The following PIK3C2B variants were observed in gnomAD, a reference collection of about 807,000 sequenced individuals.
PIK3C2B encodes the protein phosphatidylinositol-4-phosphate 3-kinase catalytic subunit type 2 beta.
In PIK3C2B, 83 loss-of-function variants were observed where a neutral mutation model predicts 184.3. The ratio of observed to expected loss-of-function variants is 0.45; its 90% CI spans 0.38 to 0.54. The LOEUF (loss-of-function observed/expected upper bound fraction) is 0.54, where lower values mean the gene tolerates loss of function less well. PIK3C2B is among the 20% of genes least tolerant of loss of function. The probability of loss-of-function intolerance (pLI) is 0.00; values close to 1 mark genes in which losing one functional copy is unlikely to be tolerated. For synonymous variants in PIK3C2B, 779 were observed against 837.6 expected (o/e 0.93, Z 1.21); for missense variants, 1,736 against 2,113.5 (o/e 0.82, Z 3.50).
intron 5 of PIK3C2B, 47 bp from the exon 6 acceptor site, chr1:204,460,708 G>T: frequency 1.6e-6 from 2 of 1,230,068 alleles, no homozygotes; most frequent in South Asian, 2.4e-5. Context: ...GGGACTCAGT[G>T]GCAAGGGAGA....
chr1:204,469,558 C>A lies in PIK3C2B; in HGVS notation c.245G>T (p.Arg82Leu), dbSNP rs113875332. Reference protein sequence around the residue: ...AGRRTDLKLLRGLSGSDPTLN... With the variant: ...AGRRTDLKLLLGLSGSDPTLN... ...GGTAGGATCAGAGCCAGAGAGACCG[C>A]GTAACAGCTTGAGGTCGGTCCGCCT... Residue 82 changes from arginine to leucine, a missense_variant, in exon 2 of 33, where the codon CGC (arginine) becomes CTC (leucine). By Grantham distance (102) the Arg-to-Leu change is moderately radical (BLOSUM62 -2). Transcript: ENST00000684373. 1.1e-4 allele frequency: 181 copies of A among 1,594,280 alleles called. No individual in the cohort carries two copies. Among genetic ancestry groups the A allele is most frequent in the Non-Finnish European group, 1.1e-4 (123 of 1,169,956 alleles).
At chr1:204,466,417 T>C (rs1655794403) in intron 2 of PIK3C2B, among the ~76,000 whole-genome samples, 2 of 147,256 alleles carry the variant, frequency 1.4e-5, no homozygotes, top group Non-Finnish European at 3.0e-5. Flanking sequence ...CATTTGAATA[T>C]CCAGACTGTT....
At chr1:204,461,785 G>A (rs1053195976) in intron 5 of PIK3C2B, among the ~76,000 whole-genome samples, 9 of 152,058 alleles carry the variant, frequency 5.9e-5, no homozygotes, top group African/African-American at 2.2e-4. Flanking sequence ...GTGTGGTGGG[G>A]CTGGGGGAGG....
At chr1:204,477,759 T>C (rs536942462) in intron 1 of PIK3C2B, among the ~76,000 whole-genome samples, 26 of 152,236 alleles carry the variant, frequency 1.7e-4, no homozygotes, top group Non-Finnish European at 1.5e-5. Context: ...CTCTTCCCCA[T>C]ACCCTGAGCC....
At chr1:204,462,845 G>C (rs1655443018) in intron 5 of PIK3C2B, among the ~76,000 whole-genome samples, 1 of 152,196 alleles carries the variant, frequency 6.6e-6, no homozygotes, top group African/African-American at 2.4e-5. Context: ...CCCGAGGTCA[G>C]GAGTTCGAGA....
intron 1 of PIK3C2B, among the ~76,000 whole-genome samples, chr1:204,478,238 C>T (rs989923143): frequency 1.3e-5 from 2 of 152,098 alleles, no homozygotes; most frequent in African/African-American, 2.4e-5. Context: ...TGTCCATCCC[C>T]CAGCACCCAC....
intron 12 of PIK3C2B, among the ~76,000 whole-genome samples, chr1:204,451,098 T>A (rs539671449): frequency 8.5e-5 from 13 of 152,316 alleles, no homozygotes; most frequent in Non-Finnish European, 1.8e-4. Context: ...GCCTCTACCC[T>A]GGGGGCCCAC....
At chr1:204,478,934 G>C (rs60807732) in intron 1 of PIK3C2B, among the ~76,000 whole-genome samples, 8,432 of 152,296 alleles carry the variant, frequency 0.055, 349 homozygotes, top group East Asian at 0.18. Flanking sequence ...TTCTAGCTCA[G>C]AAACCATTTG....
chr1:204,433,350 CCTGAGGCCTCAGGG>C lies in PIK3C2B; in HGVS notation c.3905_3918del (p.Ala1302GlyfsTer12). Reference sequence around the variant, plus strand: ...TAGGTAGTGGCATTGGCCTCTGTATCCTGAGGCCTCAGGGCATCGTACACATACTTGAGGTCCTC... The same window carrying C: ...TAGGTAGTGGCATTGGCCTCTGTATCCATCGTACACATACTTGAGGTCCTC... On this transcript the variant is annotated frameshift_variant, in exon 26 of 33. Coordinates refer to ENST00000684373, the MANE Select transcript of PIK3C2B (RefSeq NM_001377334.1). LOFTEE classifies it high-confidence loss of function. The surrounding 1 kb of genome is among the most constrained non-coding windows in gnomAD (Gnocchi z 5.0). 6.2e-7 allele frequency: 1 copy of C among 1,607,256 alleles called. No homozygotes were observed. The highest frequency in any genetic ancestry group is 8.5e-7 in the Non-Finnish European group (1 of 1,173,740).
chr1:204,460,822 A>G (rs1655275426), intron 5 of PIK3C2B, among the ~76,000 whole-genome samples, 161 bp from the exon 6 acceptor site: 1 of 152,204 alleles, frequency 6.6e-6, no homozygotes, highest in Admixed American at 6.5e-5. Flanking sequence ...GACACGGTAG[A>G]GCTTAGGAGA....
At chr1:204,448,182 C>T (rs912788233) in intron 14 of PIK3C2B, among the ~76,000 whole-genome samples, 21 of 151,658 alleles carry the variant, frequency 1.4e-4, no homozygotes, top group Admixed American at 3.9e-4. Flanking sequence ...GGTGTGATCT[C>T]GGCTCAGTGC....
chr1:204,427,264 T>C (rs904503211), intron 31 of PIK3C2B, among the ~76,000 whole-genome samples: 1 of 152,258 alleles, frequency 6.6e-6, no homozygotes, highest in African/African-American at 2.4e-5. Flanking sequence ...TCAATCATTA[T>C]AGCCAGGTAA....
rs776940848 is a variant in PIK3C2B at position 204,432,234 on chromosome 1, C to A, written c.4121G>T (p.Arg1374Leu). ...GTTGGGGTGGAAGATCTTCTCATGG[C>A]GGCAGAGGAAAACATCACTGATTCG... The part of the protein sequence containing the change: ...SGRISDVFLC[R>L]HEKIFHPNKG... Residue 1374 changes from arginine (R) to leucine (L), a missense_variant, in exon 27 of 33, where the codon CGC (arginine) becomes CTC (leucine). This residue lies in a region of PIK3C2B where 200 missense variants were observed against 199.1 expected (regional missense o/e 1.00). Coordinates refer to ENST00000684373, the MANE Select transcript of PIK3C2B (RefSeq NM_001377334.1). 6.2e-7 allele frequency: 1 copy of A among 1,614,006 alleles called. No homozygotes were observed. Among genetic ancestry groups the A allele is most frequent in the Non-Finnish European group, 8.5e-7 (1 of 1,179,984 alleles).
Position 204,465,240 on chromosome 1 carries a change from G to T in PIK3C2B, c.1013C>A (p.Ala338Glu). The T allele has an allele frequency of 1.4e-6, 2 of 1,429,526 alleles. No homozygotes were observed. Among genetic ancestry groups the T allele is most frequent in the Non-Finnish European group, 1.9e-6 (2 of 1,067,302 alleles). The allele number at this position is 1,429,526 out of a possible 1,614,324, so 88.6% of individuals were successfully genotyped here. ...VSEERDEEVA[A>E]FCHMLDILRS... ...TTACATATCCAGCATGTGGCAAAATGCAGCAACCTCCTCATCTCTCTCTTC... is the reference window on the plus strand; with the variant it reads ...TTACATATCCAGCATGTGGCAAAATTCAGCAACCTCCTCATCTCTCTCTTC... Residue 338 changes from alanine to glutamate, a missense_variant, in exon 3 of 33, where the codon GCA (alanine) becomes GAA (glutamate). Physicochemically the swap from Ala to Glu is moderately radical, Grantham distance 107. This residue lies in a region of PIK3C2B where 3 missense variants were observed against 16.1 expected (regional missense o/e 0.19). Coordinates refer to ENST00000684373, the MANE Select transcript of PIK3C2B (RefSeq NM_001377334.1).
intron 2 of PIK3C2B, 43 bp from the exon 3 acceptor site, chr1:204,465,362 G>T: frequency 7.9e-7 from 1 of 1,258,384 alleles, no homozygotes; most frequent in Non-Finnish European, 1.2e-6. Flanking sequence ...TTTCCTCGTG[G>T]TGTCCCCTCC....
chr1:204,479,274 C>G (rs1171167713), intron 1 of PIK3C2B, among the ~76,000 whole-genome samples: 1 of 151,192 alleles, frequency 6.6e-6, no homozygotes, highest in Non-Finnish European at 1.5e-5. Context: ...CTTCCCTCAC[C>G]CAAGAACCAA....
chr1:204,453,009 A>C (rs1654507070), intron 12 of PIK3C2B, among the ~76,000 whole-genome samples: 1 of 152,112 alleles, frequency 6.6e-6, no homozygotes, highest in Non-Finnish European at 1.5e-5. Context: ...AGGGCATGAG[A>C]AAGGGTCCAT....
At chr1:204,460,804 T>C (rs1655272983) in intron 5 of PIK3C2B, 143 bp from the exon 6 acceptor site, 1 of 637,086 alleles carries the variant, frequency 1.6e-6, no homozygotes, top group African/African-American at 1.8e-5. Context: ...CTTTGGCTCC[T>C]AGAAAATGAC....
At chr1:204,440,108 G>A in intron 22 of PIK3C2B, 84 bp downstream of exon 22, 1 of 1,398,300 alleles carries the variant, frequency 7.2e-7, no homozygotes, top group Non-Finnish European at 9.8e-7. Context: ...TCCTGGAGGA[G>A]GACACAGTTT....
Sources: gnomAD v4.1 joint callset for allele counts (sites outside exome capture counted in the v4.1 genomes callset) on GRCh38, gnomAD v4.1.1 for gene constraint, gnomAD v4.1.1 regional missense constraint, Gnocchi (gnomAD v3.1) non-coding constraint, MANE v1.5 for transcripts, NCBI Gene and HGNC (gene_info 2026-07-23, HGNC 2026-07-21) for gene names.